The following ATXN1 variants were observed in gnomAD, a reference collection of about 807,000 sequenced individuals.
ATXN1 encodes the protein ataxin-1.
In ATXN1, 8 loss-of-function variants were observed where a neutral mutation model predicts 56.4. The ratio of observed to expected loss-of-function variants is 0.14; its 90% CI spans 0.08 to 0.26. The LOEUF (loss-of-function observed/expected upper bound fraction) is 0.26. Ranked by LOEUF, ATXN1 falls within the 10% of genes least tolerant of loss-of-function variation. The probability of loss-of-function intolerance (pLI) is 1.00; values close to 1 mark genes in which losing one functional copy is unlikely to be tolerated. For synonymous variants in ATXN1, 514 were observed against 494.6 expected (o/e 1.04, Z -0.52); for missense variants, 987 against 1,106.5 (o/e 0.89, Z 1.53).
intron 2 of ATXN1, among the ~76,000 whole-genome samples, chr6:16,695,299 C>A (rs3812200): frequency 6.6e-6 from 1 of 151,974 alleles, no homozygotes; most frequent in East Asian, 1.9e-4. Flanking sequence ...AGAAACAAGG[C>A]GTAATTTATC....
chr6:16,432,146 T>C (rs1165449504), intron 6 of ATXN1, among the ~76,000 whole-genome samples: 1 of 152,216 alleles, frequency 6.6e-6, no homozygotes, highest in Non-Finnish European at 1.5e-5. Context: ...CAAAAGTATT[T>C]ACTTCAAAAA....
intron 3 of ATXN1, among the ~76,000 whole-genome samples, chr6:16,613,032 G>A (rs557859788): frequency 1.1e-4 from 16 of 151,702 alleles, no homozygotes; most frequent in Admixed American, 7.9e-4. Flanking sequence ...TTGGGAGGCC[G>A]AGGCGGGTGG....
At position 16,347,238 on chromosome 6, in the gene ATXN1, G is replaced by A. The variant is rs933362339; in HGVS notation, c.-160-18768C>T. ...CTGAGGAGTGCGGGCGCACGGCACT[G>A]GCAGGCAGCTCCACCTACTGCCTCT... On this transcript the variant is annotated intron_variant, in intron 6 of 7. Transcript: ENST00000436367. Among the ~76,000 whole-genome samples, 11 of 152,292 alleles carry A rather than the reference G, an allele frequency of 7.2e-5. No individual in the cohort carries two copies. In the East Asian group the frequency reaches 1.2e-3, roughly 16 times the overall value.
At chr6:16,518,117 C>G (rs984160365) in intron 5 of ATXN1, among the ~76,000 whole-genome samples, 1 of 65,900 alleles carries the variant, frequency 1.5e-5, no homozygotes, top group African/African-American at 1.6e-4. Context: ...CCAAGCGCCA[C>G]GAAGAAAACA....
intron 4 of ATXN1, among the ~76,000 whole-genome samples, chr6:16,574,822 C>CT (rs60679834): frequency 0.13 from 17,543 of 136,520 alleles, 1,505 homozygotes; most frequent in African/African-American, 0.26. Context: ...ACCAAACAGG[C>CT]TTTTTTTTTT....
chr6:16,431,314 G>A (rs939767471), intron 6 of ATXN1, among the ~76,000 whole-genome samples: 1 of 152,136 alleles, frequency 6.6e-6, no homozygotes, highest in Non-Finnish European at 1.5e-5. Context: ...TGCTGGGGGG[G>A]ATGTCTGCCA....
At chr6:16,419,541 T>C (rs1481571205) in intron 6 of ATXN1, among the ~76,000 whole-genome samples, 1 of 152,068 alleles carries the variant, frequency 6.6e-6, no homozygotes, top group Non-Finnish European at 1.5e-5. Flanking sequence ...CTTTCCAGGG[T>C]GGGTATGGCA....
chr6:16,396,826 T>C (rs528663529), intron 6 of ATXN1, among the ~76,000 whole-genome samples: 1 of 152,332 alleles, frequency 6.6e-6, no homozygotes, highest in Non-Finnish European at 1.5e-5. Flanking sequence ...ATTCTATGTC[T>C]AGATGCACAA....
intron 3 of ATXN1, among the ~76,000 whole-genome samples, chr6:16,591,954 T>C (rs573319052): frequency 1.2e-4 from 19 of 152,282 alleles, no homozygotes; most frequent in Admixed American, 3.3e-4. Flanking sequence ...TTTTAAAAAA[T>C]AGTCATGCTG....
chr6:16,328,226 TCTC>T lies in ATXN1; in HGVS notation c.82_84del (p.Glu28del). On this transcript the variant is annotated inframe_deletion, in exon 7 of 8. Transcript: ENST00000436367. The surrounding 1 kb of genome is among the most constrained non-coding windows in gnomAD (Gnocchi z 6.2). ...TTGTCGCTGGGCAGGGTAGGGGCCTTCTCCTCGGAGGACCGGCTGGTGGCGGGG... is the reference window on the plus strand; with the variant it reads ...TTGTCGCTGGGCAGGGTAGGGGCCTTCTCGGAGGACCGGCTGGTGGCGGGG... 2 of 1,580,462 alleles carry T rather than the reference TCTC, an allele frequency of 1.3e-6. No homozygotes were observed. Among genetic ancestry groups the T allele is most frequent in the Middle Eastern group, 1.7e-4 (1 of 5,888 alleles).
intron 6 of ATXN1, among the ~76,000 whole-genome samples, chr6:16,430,379 G>A (rs533320573): frequency 6.6e-6 from 1 of 151,856 alleles, no homozygotes; most frequent in Admixed American, 6.6e-5. Flanking sequence ...ACCGTACTGC[G>A]ACCACTAGTT....
intron 2 of ATXN1, among the ~76,000 whole-genome samples, chr6:16,679,049 AG>A (rs1758745212): frequency 6.6e-6 from 1 of 151,952 alleles, no homozygotes. Flanking sequence ...AAAAAAAAAA[AG>A]AAAGGAGTGA....
intron 7 of ATXN1, among the ~76,000 whole-genome samples, chr6:16,315,497 C>T (rs1417212110): frequency 6.6e-6 from 1 of 152,296 alleles, no homozygotes; most frequent in Admixed American, 6.5e-5. Context: ...ACAGTGGTCT[C>T]CTTGCTGGTT....
intron 6 of ATXN1, among the ~76,000 whole-genome samples, chr6:16,424,988 G>A (rs1190518850): frequency 6.6e-6 from 1 of 152,224 alleles, no homozygotes; most frequent in East Asian, 1.9e-4. Context: ...ATGAATGGCA[G>A]TTTCTGGTAC....
At chr6:16,433,907 C>T (rs1452649949) in intron 6 of ATXN1, among the ~76,000 whole-genome samples, 1 of 152,222 alleles carries the variant, frequency 6.6e-6, no homozygotes, top group Admixed American at 6.5e-5. Flanking sequence ...GACGCGTCCT[C>T]TAACCTCAGA....
intron 6 of ATXN1, among the ~76,000 whole-genome samples, chr6:16,373,731 G>A (rs1762091609): frequency 6.6e-6 from 1 of 152,206 alleles, no homozygotes; most frequent in Non-Finnish European, 1.5e-5. Flanking sequence ...CTGCTGCCAT[G>A]TAAGACATGC....
In ATXN1 at chr6:16,306,456, C is replaced by G; in HGVS notation, c.2321G>C (p.Trp774Ser). ...CAGTTTGCGGCTCTCTGGCGCCGAC[C>G]ACCTCCTCTTCCTCGTTGCCGCGGG... ...SKPAATRKRR[W>S]SAPESRKLEK... is the part of the protein sequence containing the mutation. The change falls in exon 8 of 8, where the codon TGG becomes TCG. Residue 774 changes from tryptophan to serine, a missense_variant. Transcript: ENST00000436367. The surrounding 1 kb of genome is among the most constrained non-coding windows in gnomAD (Gnocchi z 5.2). 6.2e-7 allele frequency: 1 copy of G among 1,614,160 alleles called. No homozygotes were observed. The highest frequency in any genetic ancestry group is 1.7e-5 in the Admixed American group (1 of 60,016).
intron 6 of ATXN1, among the ~76,000 whole-genome samples, chr6:16,373,032 A>C (rs1300366033): frequency 6.6e-6 from 1 of 152,230 alleles, no homozygotes; most frequent in Non-Finnish European, 1.5e-5. Flanking sequence ...GGAAGGGGAC[A>C]TGTGATACGA....
rs1760132482 is a variant in ATXN1 at position 16,302,473 on chromosome 6, T to C, written c.*3856A>G. 6.6e-6 allele frequency: 1 copy of C among 152,510 alleles called. No individual in the cohort carries two copies. The highest frequency in any genetic ancestry group is 2.4e-5 in the African/African-American group (1 of 41,388). The allele number at this position is 152,510 out of a possible 1,614,324, so 9.4% of individuals were successfully genotyped here. ...ATTATCCTGAAAGTCCAAATGAAAA[T>C]TCAATTTGGATTTCCACTTTAAAAG... On this transcript the variant is annotated 3_prime_UTR_variant, in exon 8 of 8. Transcript: ENST00000436367.
Sources: gnomAD v4.1 joint callset for allele counts (sites outside exome capture counted in the v4.1 genomes callset) on GRCh38, gnomAD v4.1.1 for gene constraint, Gnocchi (gnomAD v3.1) non-coding constraint, MANE v1.5 for transcripts, NCBI Gene and HGNC (gene_info 2026-07-23, HGNC 2026-07-21) for gene names.